The following NXN variants were observed in gnomAD, a reference collection of about 807,000 sequenced individuals.
NXN encodes nucleoredoxin.
Under a neutral mutation model 48.6 loss-of-function variants are expected in NXN, and 16 were observed. That is an observed-to-expected ratio of 0.33 (90% CI 0.22 to 0.50). The LOEUF (loss-of-function observed/expected upper bound fraction) is 0.50, where lower values mean the gene tolerates loss of function less well. Ranked by LOEUF, NXN falls within the 20% of genes least tolerant of loss-of-function variation. NXN has a pLI of 0.98. For missense variants in NXN, 492 were observed against 605.5 expected (o/e 0.81, Z 1.97); for synonymous variants, 281 against 269.6 (o/e 1.04, Z -0.41).
At chr17:806,742 G>A (rs933588753) in intron 5 of NXN, among the ~76,000 whole-genome samples, 1 of 152,166 alleles carries the variant, frequency 6.6e-6, no homozygotes, top group Non-Finnish European at 1.5e-5. Context: ...CCAGACATAT[G>A]GCCCTCGTGT....
intron 5 of NXN, among the ~76,000 whole-genome samples, chr17:809,135 C>T (rs923467505): frequency 7.9e-5 from 12 of 152,146 alleles, no homozygotes; most frequent in Admixed American, 2.0e-4. Context: ...CTGTCAAGAC[C>T]GTGGTGAGGG....
chr17:904,298 G>GTCGGACA (rs1883652381), intron 1 of NXN, among the ~76,000 whole-genome samples: 1 of 131,514 alleles, frequency 7.6e-6, no homozygotes, highest in Non-Finnish European at 1.5e-5. Context: ...GACGTCGGAC[G>GTCGGACA]CCGTCCGGCT....
At chr17:848,864 C>T (rs373672067) in intron 1 of NXN, among the ~76,000 whole-genome samples, 4 of 152,164 alleles carry the variant, frequency 2.6e-5, no homozygotes, top group South Asian at 2.1e-4. Context: ...GTGGAGATGA[C>T]GGAGGTTTTT....
At chr17:827,811 A>G (rs927583051) in intron 1 of NXN, among the ~76,000 whole-genome samples, 13 of 152,156 alleles carry the variant, frequency 8.5e-5, no homozygotes, top group African/African-American at 3.1e-4. Context: ...GTGGCAGCCA[A>G]GCAGGCATGA....
intron 1 of NXN, chr17:842,570 C>T (rs1011381145): frequency 1.4e-5 from 14 of 985,294 alleles, no homozygotes; most frequent in African/African-American, 1.2e-4. Flanking sequence ...TCCCGAGACA[C>T]GTGGGGGCCC....
At chr17:869,288 G>T (rs1379660782) in intron 1 of NXN, among the ~76,000 whole-genome samples, 1 of 152,132 alleles carries the variant, frequency 6.6e-6, no homozygotes, top group African/African-American at 2.4e-5. Flanking sequence ...TAAGAGGGCC[G>T]TCCAGAACTG....
chr17:839,808 A>AAAAAAAC (rs1352197383), intron 1 of NXN, among the ~76,000 whole-genome samples: 9 of 143,802 alleles, frequency 6.3e-5, no homozygotes, highest in African/African-American at 2.4e-4. Context: ...AAAAAAAAAA[A>AAAAAAAC]AAAAAAGGCC....
chr17:903,089 C>T (rs62070204), intron 1 of NXN, among the ~76,000 whole-genome samples: 16,919 of 152,106 alleles, frequency 0.11, 1,152 homozygotes, highest in Non-Finnish European at 0.15. Flanking sequence ...ATCATTTCAT[C>T]GACCACCCTG....
At chr17:883,802 G>A (rs1174079867) in intron 1 of NXN, among the ~76,000 whole-genome samples, 2 of 152,222 alleles carry the variant, frequency 1.3e-5, no homozygotes, top group South Asian at 2.1e-4. Flanking sequence ...GCCCAGGTGC[G>A]GTGCTTACGC....
chr17:927,222 A>G (rs1208878073), intron 1 of NXN, among the ~76,000 whole-genome samples: 2 of 151,906 alleles, frequency 1.3e-5, no homozygotes, highest in Non-Finnish European at 2.9e-5. Context: ...CGGAGGTTGC[A>G]GTGAGCCGAG....
intron 1 of NXN, among the ~76,000 whole-genome samples, chr17:862,890 T>C (rs953883481): frequency 3.3e-5 from 5 of 152,248 alleles, no homozygotes; most frequent in African/African-American, 4.8e-5. Flanking sequence ...ACCTATGCTC[T>C]AAACGTATCA....
At position 945,599 on chromosome 17, in the gene NXN, C is replaced by T. The variant is rs556881492; in HGVS notation, c.360+33720G>A. On this transcript the variant is annotated intron_variant, in intron 1 of 7. Coordinates refer to ENST00000336868, the MANE Select transcript of NXN (RefSeq NM_022463.5). ...TGAGCCGAGATCGTGCCACTGCACT[C>T]CAGCCTGGGCGAGAGAGTGACTCCG... Among the ~76,000 whole-genome samples, 8 of 146,830 alleles carry T rather than the reference C, an allele frequency of 5.4e-5. No individual in the cohort carries two copies. In the South Asian group the frequency reaches 1.7e-3, roughly 32 times the overall value.
intron 1 of NXN, among the ~76,000 whole-genome samples, chr17:971,631 A>AC (rs1335576623): frequency 3.3e-5 from 5 of 151,992 alleles, no homozygotes; most frequent in South Asian, 4.2e-4. Flanking sequence ...AATGGCGTGA[A>AC]CCGGGAAGGC....
At chr17:914,987 T>C (rs951764836) in intron 1 of NXN, among the ~76,000 whole-genome samples, 4 of 151,698 alleles carry the variant, frequency 2.6e-5, no homozygotes, top group African/African-American at 9.7e-5. Flanking sequence ...CAGGCTGGAG[T>C]GCAGTGGTGC....
chr17:870,178 G>A (rs2068136461), intron 1 of NXN, among the ~76,000 whole-genome samples: 1 of 152,118 alleles, frequency 6.6e-6, no homozygotes, highest in Non-Finnish European at 1.5e-5. Flanking sequence ...CCCACACCAA[G>A]CCTCTCCTGG....
chr17:924,266 C>T (rs1299551830), intron 1 of NXN, among the ~76,000 whole-genome samples: 7 of 152,058 alleles, frequency 4.6e-5, no homozygotes, highest in East Asian at 1.9e-4. Context: ...GATGGAGTTT[C>T]GCTCTTATTG....
intron 1 of NXN, among the ~76,000 whole-genome samples, chr17:865,786 C>A (rs1037615265): frequency 2.7e-5 from 4 of 150,850 alleles, no homozygotes; most frequent in African/African-American, 9.7e-5. Context: ...GAGTTCGAGA[C>A]CAGCCTGACC....
At chr17:861,577 A>G (rs1465895615) in intron 1 of NXN, among the ~76,000 whole-genome samples, 1 of 152,046 alleles carries the variant, frequency 6.6e-6, no homozygotes, top group Non-Finnish European at 1.5e-5. Context: ...TGATTCCAAG[A>G]CTAGGGGAGG....
At chr17:879,104 T>G (rs1322321608) in intron 1 of NXN, among the ~76,000 whole-genome samples, 1 of 151,722 alleles carries the variant, frequency 6.6e-6, no homozygotes, top group Non-Finnish European at 1.5e-5. Flanking sequence ...GGCAGAGGTT[T>G]TAGTGAGCCA....
Sources: allele counts gnomAD v4.1 joint callset (sites outside exome capture counted in the v4.1 genomes callset), GRCh38; gene constraint gnomAD v4.1.1; transcripts MANE v1.5; gene names NCBI Gene and HGNC (gene_info 2026-07-23, HGNC 2026-07-21).